Variants in ARHGEF33 observed in about 807,000 individuals in gnomAD.
The protein encoded by ARHGEF33 is DH and coiled-coil domain-containing protein ENSP00000381780.
ARHGEF33 carries 72 observed loss-of-function variants against 101.9 expected under a neutral mutation model. The ratio of observed to expected loss-of-function variants is 0.71; its 90% confidence interval spans 0.58 to 0.86. The LOEUF is 0.86. Among genes scored for constraint, ARHGEF33 ranks in the 40% least tolerant of loss-of-function variants. The pLI, the probability that ARHGEF33 is intolerant of heterozygous loss-of-function variation, is 0.00. For synonymous variants in ARHGEF33, 499 were observed against 442.5 expected (o/e 1.13, Z -1.60); for missense variants, 1,169 against 1,111.3 (o/e 1.05, Z -0.74).
chr2:38,929,506 A>G (rs1666946368), intron 5 of ARHGEF33, among the ~76,000 whole-genome samples: 1 of 151,924 alleles, frequency 6.6e-6, no homozygotes, highest in Non-Finnish European at 1.5e-5. Flanking sequence ...ATCCATAGTT[A>G]TCATGGAAAA....
intron 2 of ARHGEF33, among the ~76,000 whole-genome samples, chr2:38,916,269 A>G (rs912440325): frequency 8.5e-5 from 13 of 152,332 alleles, no homozygotes; most frequent in African/African-American, 2.9e-4. Flanking sequence ...CTTCCCCCAA[A>G]TAGTAACAGA....
chr2:38,917,335 G>A lies in ARHGEF33; in HGVS notation c.-85-2028G>A, dbSNP rs1054665213. Among the ~76,000 whole-genome samples the A allele has an allele frequency of 2.4e-4, 36 of 151,434 alleles. 1 individual carries two copies. Among genetic ancestry groups the A allele is most frequent in the Admixed American group, 1.3e-4 (2 of 15,204 alleles). On this transcript the variant is annotated intron_variant, in intron 2 of 17. Transcript: ENST00000409978. Reference sequence around the variant, plus strand: ...TCGAACTCCTGACCTCAAGTGATCCGCCCACCTCAGCCTCCCAAAGTGCTG... The same window carrying A: ...TCGAACTCCTGACCTCAAGTGATCCACCCACCTCAGCCTCCCAAAGTGCTG...
At chr2:38,923,279 GTTTACT>G (rs1666801462) in intron 4 of ARHGEF33, among the ~76,000 whole-genome samples, 1 of 152,032 alleles carries the variant, frequency 6.6e-6, no homozygotes, top group African/African-American at 2.4e-5. Flanking sequence ...GCCCCAGTCT[GTTTACT>G]CCAAGCAACA....
In ARHGEF33 at chr2:38,953,185, T is replaced by A. The variant is rs1250561751; in HGVS notation, c.1077T>A (p.Val359=). The change falls in exon 12 of 18, where the codon GTT becomes GTA. Residue 359 remains valine, a synonymous_variant. Transcript: ENST00000409978. ...NDENNFLDYY[V]AYLRDLPECI... ...AGAATAATTTCTTGGATTATTATGTTGCCTACCTAAGGGACCTGCCTGAGT... is the reference window on the plus strand; with the variant it reads ...AGAATAATTTCTTGGATTATTATGTAGCCTACCTAAGGGACCTGCCTGAGT... The A allele has an allele frequency of 6.5e-7, 1 of 1,535,056 alleles. No homozygotes were observed. The highest frequency in any genetic ancestry group is 8.8e-7 in the Non-Finnish European group (1 of 1,131,526).
intron 1 of ARHGEF33, among the ~76,000 whole-genome samples, chr2:38,895,421 G>A (rs1252466267): frequency 6.6e-6 from 1 of 152,052 alleles, no homozygotes; most frequent in Non-Finnish European, 1.5e-5. Context: ...AATATTTTAC[G>A]GTCATATCAA....
rs568794402 is a variant in ARHGEF33 at position 38,963,355 on chromosome 2, T to C, written c.2344-2651T>C. 1.1e-3 allele frequency among the ~76,000 whole-genome samples: 168 copies of C among 152,292 alleles called. 1 individual carries two copies. The highest frequency in any genetic ancestry group is 3.9e-3 in the African/African-American group (161 of 41,570). On this transcript the variant is annotated intron_variant, in intron 16 of 17. Coordinates refer to ENST00000409978, the MANE Select transcript of ARHGEF33 (RefSeq NM_001145451.5). ...GCAGAGCTAGCCGAGACCTAGTCTT[T>C]AGTGTTTTGTCTCTTTTAGAGTCAA... is the stretch of plus-strand genomic sequence containing the variant.
chr2:38,962,010 G>T (rs1036446952), intron 16 of ARHGEF33, among the ~76,000 whole-genome samples: 1 of 152,148 alleles, frequency 6.6e-6, no homozygotes, highest in Non-Finnish European at 1.5e-5. Context: ...GGAGCTTGCT[G>T]CCCACCTGCA....
chr2:38,959,825 T>C lies in ARHGEF33; in HGVS notation c.1536-16T>C. The C allele has an allele frequency of 1.3e-6, 2 of 1,530,080 alleles. No homozygotes were observed. The highest frequency in any genetic ancestry group is 1.8e-6 in the Non-Finnish European group (2 of 1,134,214). 94.8% of individuals were successfully genotyped at this position (1,530,080 alleles called of 1,614,324 possible). ...CCGTAAGCACAGCTCTTTTGTACTC[T>C]GTTTTCCCCCTAAAGACATCTGATG... On this transcript the variant is annotated splice_polypyrimidine_tract_variant and intron_variant, in intron 15 of 17. Coordinates refer to ENST00000409978, the MANE Select transcript of ARHGEF33 (RefSeq NM_001145451.5).
chr2:38,954,347 A>C (rs1167785579), intron 12 of ARHGEF33, 26 bp from the exon 13 acceptor site: 1 of 1,409,084 alleles, frequency 7.1e-7, no homozygotes, highest in South Asian at 1.2e-5. Context: ...AACACTGAAG[A>C]GTAACTTGAC....
chr2:38,942,080 A>G (rs2124399787), intron 9 of ARHGEF33, among the ~76,000 whole-genome samples: 1 of 147,826 alleles, frequency 6.8e-6, no homozygotes, highest in East Asian at 2.0e-4. Flanking sequence ...TGAAACTTCT[A>G]CTAATTTGAT....
chr2:38,964,731 G>C (rs1354732628), intron 16 of ARHGEF33, among the ~76,000 whole-genome samples: 1 of 152,076 alleles, frequency 6.6e-6, no homozygotes, highest in East Asian at 1.9e-4. Flanking sequence ...ACCTTCTGCT[G>C]TGTGGCCCAG....
chr2:38,967,328 C>T (rs1173701485), intron 17 of ARHGEF33, among the ~76,000 whole-genome samples: 2 of 152,176 alleles, frequency 1.3e-5, no homozygotes, highest in East Asian at 3.9e-4. Flanking sequence ...GAAGGAAGAG[C>T]GACAGCTCTG....
chr2:38,968,974 A>C (rs1049692064), intron 17 of ARHGEF33, among the ~76,000 whole-genome samples: 1 of 152,230 alleles, frequency 6.6e-6, no homozygotes. Flanking sequence ...GCCCCAGTGT[A>C]GCACAGGAAG....
intron 10 of ARHGEF33, among the ~76,000 whole-genome samples, chr2:38,949,156 T>C (rs955507466): frequency 6.6e-6 from 1 of 152,148 alleles, no homozygotes; most frequent in Non-Finnish European, 1.5e-5. Context: ...GAAAAAAACC[T>C]CCTCTCGATC....
In ARHGEF33 at chr2:38,960,471, C is replaced by T. The variant is rs1667897158; in HGVS notation, c.2166C>T (p.Ala722=). 6.7e-7 allele frequency: 1 copy of T among 1,487,714 alleles called. No individual in the cohort carries two copies. Among genetic ancestry groups the T allele is most frequent in the Non-Finnish European group, 8.9e-7 (1 of 1,125,304 alleles). 92.2% of individuals were successfully genotyped at this position (1,487,714 alleles called of 1,614,324 possible). A position where few individuals can be genotyped will look rare whatever the true frequency, so the allele number is the denominator to read the frequency against. ...GTGCGCCGCCAGCCGACGGCGTGGC[C>T]CCACGCCTCTACAGCACGCGCAGCA... is the stretch of plus-strand genomic sequence containing the variant. ...FPRAPPADGV[A]PRLYSTRSSS... The change falls in exon 16 of 18, where the codon GCC becomes GCT. Residue 722 remains alanine (A), a synonymous_variant. Transcript: ENST00000409978.
chr2:38,893,349 A>G (rs928530951), intron 1 of ARHGEF33, among the ~76,000 whole-genome samples: 7 of 151,938 alleles, frequency 4.6e-5, no homozygotes, highest in African/African-American at 1.7e-4. Context: ...TAGTAGAGAC[A>G]GAGTTTCACT....
intron 16 of ARHGEF33, among the ~76,000 whole-genome samples, chr2:38,962,914 C>T (rs1667977800): frequency 6.8e-6 from 1 of 146,234 alleles, no homozygotes; most frequent in Non-Finnish European, 1.5e-5. Context: ...GTCCCAGCTA[C>T]TCAGGAGGCT....
intron 1 of ARHGEF33, among the ~76,000 whole-genome samples, chr2:38,894,716 C>A (rs3099957): frequency 6.6e-6 from 1 of 152,024 alleles, no homozygotes; most frequent in African/African-American, 2.4e-5. Flanking sequence ...AGGAGACTTC[C>A]CAGTGGTCAC....
intron 16 of ARHGEF33, 93 bp downstream of exon 16, chr2:38,960,741 CG>C: frequency 2.9e-6 from 3 of 1,022,900 alleles, no homozygotes; most frequent in South Asian, 2.6e-5. Flanking sequence ...TGGAGAGGAG[CG>C]GGGCCGGGCC....
Sources: gnomAD v4.1 joint callset for allele counts (sites outside exome capture counted in the v4.1 genomes callset) on GRCh38, gnomAD v4.1.1 for gene constraint, MANE v1.5 for transcripts, NCBI Gene and HGNC (gene_info 2026-07-23, HGNC 2026-07-21) for gene names.